CADM2: variants seen among roughly 807,000 people sequenced by gnomAD.
CADM2 encodes the protein cell adhesion molecule 2, also known as immunoglobulin superfamily member 4D.
CADM2 carries 12 observed loss-of-function variants against 49.8 expected under a neutral mutation model. The ratio of observed to expected loss-of-function variants is 0.24; its 90% CI spans 0.15 to 0.39. The LOEUF (loss-of-function observed/expected upper bound fraction) is 0.39, where lower values mean the gene tolerates loss of function less well. CADM2 is among the 10% of genes least tolerant of loss of function. The pLI is 1.00. For missense variants in CADM2, 378 were observed against 492.3 expected (o/e 0.77, Z 2.20); for synonymous variants, 214 against 175.4 (o/e 1.22, Z -1.74).
At chr3:85,709,948 C>T (rs758245499) in intron 1 of CADM2, among the ~76,000 whole-genome samples, 13 of 152,054 alleles carry the variant, frequency 8.5e-5, no homozygotes, top group Admixed American at 4.6e-4. Flanking sequence ...TGCAGATGAA[C>T]GCTTTCTTTA....
chr3:85,726,788 T>C (rs1460873586), intron 2 of CADM2, among the ~76,000 whole-genome samples: 2 of 152,094 alleles, frequency 1.3e-5, no homozygotes, highest in Admixed American at 1.3e-4. Flanking sequence ...TATTCCTAAG[T>C]ATTTCAAAGT....
At chr3:85,660,854 T>C (rs896102838) in intron 1 of CADM2, among the ~76,000 whole-genome samples, 8 of 151,936 alleles carry the variant, frequency 5.3e-5, no homozygotes, top group Non-Finnish European at 1.2e-4. Flanking sequence ...TCCCTCCGTC[T>C]TTCTCTCTTT....
chr3:85,281,299 A>G (rs1290562163), intron 1 of CADM2, among the ~76,000 whole-genome samples: 4 of 151,992 alleles, frequency 2.6e-5, no homozygotes, highest in Non-Finnish European at 5.9e-5. Flanking sequence ...TTATCCTTGA[A>G]AAAAGAAACA....
intron 1 of CADM2, among the ~76,000 whole-genome samples, chr3:85,109,650 A>T (rs1211249149): frequency 6.6e-6 from 1 of 152,008 alleles, no homozygotes; most frequent in African/African-American, 2.4e-5. Context: ...ATGGTATCAC[A>T]TTAGGCTCCA....
intron 1 of CADM2, among the ~76,000 whole-genome samples, chr3:85,289,462 T>C (rs971989279): frequency 6.6e-6 from 1 of 152,206 alleles, no homozygotes; most frequent in Non-Finnish European, 1.5e-5. Context: ...CAATAGACTG[T>C]TAAGATAAGA....
chr3:85,129,054 A>G (rs2039136565), intron 1 of CADM2, among the ~76,000 whole-genome samples: 1 of 152,090 alleles, frequency 6.6e-6, no homozygotes. Flanking sequence ...TTTTTCATTG[A>G]CATACCAGTG....
chr3:85,779,908 T>C (rs1317035346), intron 2 of CADM2, among the ~76,000 whole-genome samples: 1 of 152,146 alleles, frequency 6.6e-6, no homozygotes, highest in Non-Finnish European at 1.5e-5. Context: ...GCTAGGTAGG[T>C]AGTACAACAG....
intron 3 of CADM2, among the ~76,000 whole-genome samples, chr3:85,874,417 C>A (rs1711539402): frequency 6.6e-6 from 1 of 152,092 alleles, no homozygotes; most frequent in South Asian, 2.1e-4. Context: ...TCCCAATCTA[C>A]CTTTGTGTAT....
chr3:85,474,438 C>G (rs1420330929), intron 1 of CADM2, among the ~76,000 whole-genome samples: 2 of 151,876 alleles, frequency 1.3e-5, no homozygotes, highest in African/African-American at 4.8e-5. Context: ...AATCTTCTTT[C>G]CTCCCAGTCT....
intron 1 of CADM2, among the ~76,000 whole-genome samples, chr3:85,303,062 T>C (rs2044137564): frequency 6.6e-6 from 1 of 151,958 alleles, no homozygotes; most frequent in South Asian, 2.1e-4. Flanking sequence ...GTCTAAACAC[T>C]GTCTCTTATT....
At chr3:85,627,181 G>T (rs578021669) in intron 1 of CADM2, among the ~76,000 whole-genome samples, 1 of 150,926 alleles carries the variant, frequency 6.6e-6, no homozygotes, top group East Asian at 1.9e-4. Flanking sequence ...ACATTCTGGA[G>T]GTTGTTAAAA....
intron 2 of CADM2, among the ~76,000 whole-genome samples, chr3:85,791,443 A>G (rs550137739): frequency 1.0e-3 from 155 of 150,792 alleles, no homozygotes; most frequent in South Asian, 4.3e-4. Flanking sequence ...ATGATCTTGA[A>G]CTTTCTAAGA....
intron 1 of CADM2, among the ~76,000 whole-genome samples, chr3:85,562,177 G>C (rs1400400847): frequency 6.6e-6 from 1 of 151,938 alleles, no homozygotes; most frequent in Non-Finnish European, 1.5e-5. Context: ...GAATCTCCTC[G>C]TAACAACATT....
At chr3:85,419,619 C>T (rs1202045883) in intron 1 of CADM2, among the ~76,000 whole-genome samples, 1 of 152,024 alleles carries the variant, frequency 6.6e-6, no homozygotes, top group Admixed American at 6.5e-5. Context: ...ATAAAGAGAC[C>T]CATTTTTCTC....
chr3:85,107,601 CTCTT>C (rs998182094), intron 1 of CADM2, among the ~76,000 whole-genome samples: 5 of 146,926 alleles, frequency 3.4e-5, no homozygotes, highest in Admixed American at 6.7e-5. Flanking sequence ...TTCTTTCTTT[CTCTT>C]TCTTTTTCTT....
At chr3:85,466,829 A>G (rs1015170209) in intron 1 of CADM2, among the ~76,000 whole-genome samples, 1 of 152,062 alleles carries the variant, frequency 6.6e-6, no homozygotes, top group Non-Finnish European at 1.5e-5. Flanking sequence ...ATATTTTCAG[A>G]CAGTCTTGGA....
intron 1 of CADM2, among the ~76,000 whole-genome samples, chr3:85,457,431 A>G (rs1017528132): frequency 2.6e-5 from 4 of 152,074 alleles, no homozygotes; most frequent in African/African-American, 9.7e-5. Flanking sequence ...AAAAAAAATT[A>G]AAAAGGATTT....
chr3:86,035,091 C>A (rs1001439681), intron 8 of CADM2, among the ~76,000 whole-genome samples: 1 of 152,000 alleles, frequency 6.6e-6, no homozygotes, highest in Admixed American at 6.6e-5. Flanking sequence ...GGAGTAAAAT[C>A]CAGACAATAA....
intron 1 of CADM2, among the ~76,000 whole-genome samples, chr3:85,480,161 T>C (rs1210074506): frequency 1.1e-4 from 17 of 151,836 alleles, no homozygotes; most frequent in Admixed American, 1.1e-3. Flanking sequence ...ATTTGAATCA[T>C]TGTCTATATC....
Sources: allele counts gnomAD v4.1 joint callset (sites outside exome capture counted in the v4.1 genomes callset), GRCh38; gene constraint gnomAD v4.1.1; transcripts MANE v1.5; gene names NCBI Gene and HGNC (gene_info 2026-07-23, HGNC 2026-07-21).